Variants in PARD3B observed in about 807,000 individuals in gnomAD.
PARD3B encodes the protein partitioning defective 3 homolog B.
Under a neutral mutation model 130.2 loss-of-function variants are expected in PARD3B, and 103 were observed. That is an observed-to-expected ratio of 0.79 (90% CI 0.67 to 0.93). PARD3B has a LOEUF of 0.93. Among genes scored for constraint, PARD3B ranks in the 40% least tolerant of loss-of-function variants. The probability of loss-of-function intolerance (pLI) is 0.00; values close to 1 mark genes in which losing one functional copy is unlikely to be tolerated. For synonymous variants in PARD3B, 583 were observed against 553.2 expected, an observed-to-expected ratio of 1.05 and a Z score of -0.76; for missense variants, 1,609 against 1,499.2, an observed-to-expected ratio of 1.07 and a Z score of -1.21.
In PARD3B at chr2:205,525,195, A is replaced by C. The variant is rs989763711; in HGVS notation, c.3180+25164A>C. On this transcript the variant is annotated intron_variant, in intron 21 of 22. Transcript: ENST00000406610. The surrounding 1 kb of genome is among the most constrained non-coding windows in gnomAD (Gnocchi z 4.2). ...GGCTTTTTTCCCCTCCTACATGGTT[A>C]ACTCCTAATTTTCCTTTAAATGGTC... is the stretch of plus-strand genomic sequence containing the variant. Among the ~76,000 whole-genome samples, 5 of 152,160 alleles carry C rather than the reference A, an allele frequency of 3.3e-5. No individual in the cohort carries two copies. The highest frequency in any genetic ancestry group is 2.6e-4 in the Admixed American group (4 of 15,266).
rs1311899803 is a variant in PARD3B at position 205,493,698 on chromosome 2, A to G, written c.3045-6198A>G. On this transcript the variant is annotated intron_variant, in intron 20 of 22. Coordinates refer to ENST00000406610, the MANE Select transcript of PARD3B (RefSeq NM_001302769.2). Reference sequence around the variant, plus strand: ...ATTCCTGTTAAAGTTACAGGCTATAAAAGCCATTTCTTTTCATTTATGTAT... The same window carrying G: ...ATTCCTGTTAAAGTTACAGGCTATAGAAGCCATTTCTTTTCATTTATGTAT... 4.0e-5 allele frequency among the ~76,000 whole-genome samples: 6 copies of G among 151,662 alleles called. No individual in the cohort carries two copies. In the East Asian group the frequency reaches 1.2e-3, roughly 29 times the overall value.
chr2:205,377,050 TC>T (rs1273325760), intron 18 of PARD3B, among the ~76,000 whole-genome samples: 1 of 152,198 alleles, frequency 6.6e-6, no homozygotes, highest in Non-Finnish European at 1.5e-5. Context: ...TTGGAACTGT[TC>T]TACACACTTT....
chr2:205,203,095 G>A (rs1226166900), intron 15 of PARD3B, among the ~76,000 whole-genome samples: 1 of 152,108 alleles, frequency 6.6e-6, no homozygotes, highest in East Asian at 1.9e-4. Context: ...TAAGAGAAAT[G>A]TAAGACTCTA....
At chr2:204,583,584 C>G (rs1242476827) in intron 1 of PARD3B, among the ~76,000 whole-genome samples, 1 of 129,544 alleles carries the variant, frequency 7.7e-6, no homozygotes, top group African/African-American at 3.0e-5. Flanking sequence ...ATGTAACTAA[C>G]CTGCACAATG....
At chr2:205,403,448 C>T (rs908402396) in intron 19 of PARD3B, among the ~76,000 whole-genome samples, 1 of 152,090 alleles carries the variant, frequency 6.6e-6, no homozygotes, top group Non-Finnish European at 1.5e-5. Flanking sequence ...AGTTTACCAG[C>T]ACACTGCTAC....
intron 18 of PARD3B, among the ~76,000 whole-genome samples, chr2:205,331,071 G>A (rs543066712): frequency 5.3e-4 from 80 of 152,154 alleles, no homozygotes; most frequent in African/African-American, 1.9e-3. Flanking sequence ...GGCGAAAAAG[G>A]CAGCCTCCCT....
intron 2 of PARD3B, among the ~76,000 whole-genome samples, chr2:204,764,715 C>CGTGTGTGTGTGTGTGTGTGTGTGT (rs10522212): frequency 2.7e-5 from 4 of 145,752 alleles, no homozygotes; most frequent in South Asian, 2.3e-4. Context: ...GGCATGCATG[C>CGTGTGTGTGTGTGTGTGTGTGTGT]GTGTGTGTGT....
intron 1 of PARD3B, among the ~76,000 whole-genome samples, chr2:204,676,044 G>C (rs2036520422): frequency 8.1e-6 from 1 of 122,772 alleles, no homozygotes; most frequent in Non-Finnish European, 1.8e-5. Flanking sequence ...TGGTCTCTGA[G>C]CCAATGAATT....
intron 15 of PARD3B, among the ~76,000 whole-genome samples, chr2:205,219,860 T>C (rs1050487128): frequency 6.6e-6 from 1 of 152,150 alleles, no homozygotes; most frequent in Non-Finnish European, 1.5e-5. Flanking sequence ...AAAAGTGCCA[T>C]GAAGAGAGCA....
At chr2:205,271,984 C>A (rs750797769) in intron 16 of PARD3B, among the ~76,000 whole-genome samples, 9 of 151,982 alleles carry the variant, frequency 5.9e-5, no homozygotes, top group Admixed American at 4.6e-4. Context: ...ATGGGGAAAC[C>A]CCGTCTCTAC....
chr2:204,959,142 C>T (rs963440360), intron 2 of PARD3B, among the ~76,000 whole-genome samples: 12 of 152,030 alleles, frequency 7.9e-5, no homozygotes, highest in African/African-American at 2.4e-4. Context: ...GCCACTCCCC[C>T]GACAGGCCCT....
intron 1 of PARD3B, among the ~76,000 whole-genome samples, chr2:204,584,052 G>C (rs1226472222): frequency 6.6e-6 from 1 of 152,238 alleles, no homozygotes; most frequent in African/African-American, 2.4e-5. Context: ...AGCCAGGCAA[G>C]GCTGGAGCCA....
At chr2:204,583,123 G>A (rs1312067019) in intron 1 of PARD3B, among the ~76,000 whole-genome samples, 1 of 141,092 alleles carries the variant, frequency 7.1e-6, no homozygotes, top group Non-Finnish European at 1.5e-5. Flanking sequence ...TCCCATTACT[G>A]GGTATATACC....
At chr2:205,033,582 G>A (rs1185902671) in intron 3 of PARD3B, among the ~76,000 whole-genome samples, 3 of 151,950 alleles carry the variant, frequency 2.0e-5, no homozygotes, top group African/African-American at 7.3e-5. Context: ...TTCATGCAAG[G>A]GTGTCCATCT....
intron 2 of PARD3B, among the ~76,000 whole-genome samples, chr2:204,692,878 T>C (rs1045921201): frequency 1.3e-5 from 2 of 152,032 alleles, no homozygotes; most frequent in African/African-American, 4.8e-5. Context: ...TGGATTAAAC[T>C]CATCATCTTT....
At position 205,126,752 on chromosome 2, in the gene PARD3B, C is replaced by CAAAAAAAAAAAA. The variant is rs4045004; in HGVS notation, c.1434+1039_1434+1050dup. Reference sequence around the variant, plus strand: ...TGGGCGACAGAGCGAGACTCCGTCTCAAAAAAAAAAAAAAAAAAAAAAAAA... The same window carrying CAAAAAAAAAAAA: ...TGGGCGACAGAGCGAGACTCCGTCTCAAAAAAAAAAAAAAAAAAAAAAAAAAAAAAAAAAAAA... On this transcript the variant is annotated intron_variant, in intron 10 of 22. Transcript: ENST00000406610. Among the ~76,000 whole-genome samples, 28 of 74,452 alleles carry CAAAAAAAAAAAA rather than the reference C, an allele frequency of 3.8e-4. 1 individual carries two copies. The highest frequency in any genetic ancestry group is 7.8e-4 in the African/African-American group (12 of 15,454). 48.8% of individuals were successfully genotyped at this position (74,452 alleles called of 152,430 possible). A position where few individuals can be genotyped will look rare whatever the true frequency, so the allele number is the denominator to read the frequency against.
chr2:204,965,826 A>G (rs1224457057), intron 3 of PARD3B, among the ~76,000 whole-genome samples: 1 of 152,190 alleles, frequency 6.6e-6, no homozygotes, highest in Non-Finnish European at 1.5e-5. Flanking sequence ...TTTTGCTTAG[A>G]AATATTTTTC....
At chr2:204,961,400 G>C (rs1259498956) in intron 2 of PARD3B, among the ~76,000 whole-genome samples, 1 of 152,098 alleles carries the variant, frequency 6.6e-6, no homozygotes, top group East Asian at 1.9e-4. Context: ...TTGAAGGATT[G>C]CTACAAGGTG....
intron 5 of PARD3B, among the ~76,000 whole-genome samples, chr2:205,109,412 A>C (rs2125588167): frequency 6.6e-6 from 1 of 152,274 alleles, no homozygotes; most frequent in Non-Finnish European, 1.5e-5. Flanking sequence ...CGTGTTCCTC[A>C]ATCCTGCAGT....
Sources: allele counts gnomAD v4.1 joint callset (sites outside exome capture counted in the v4.1 genomes callset), GRCh38; gene constraint gnomAD v4.1.1; non-coding constraint Gnocchi (gnomAD v3.1); transcripts MANE v1.5; gene names NCBI Gene and HGNC (gene_info 2026-07-23, HGNC 2026-07-21).